The following ROCK2 variants were observed in gnomAD, a reference collection of about 807,000 sequenced individuals.
ROCK2 encodes rho-associated protein kinase 2.
A neutral mutation model predicts 195.1 loss-of-function variants in ROCK2; 61 were observed. That is an observed-to-expected ratio of 0.31 (90% confidence interval 0.25 to 0.39). ROCK2 has a LOEUF of 0.39. Among genes scored for constraint, ROCK2 ranks in the 10% least tolerant of loss-of-function variants. ROCK2 has a pLI of 1.00. For synonymous variants in ROCK2, 504 were observed against 545.5 expected, an observed-to-expected ratio of 0.92 and a Z score of 1.06; for missense variants, 1,109 against 1,637.4, an observed-to-expected ratio of 0.68 and a Z score of 5.57.
At chr2:11,281,053 A>G (rs1289874369) in intron 3 of ROCK2, among the ~76,000 whole-genome samples, 1 of 152,144 alleles carries the variant, frequency 6.6e-6, no homozygotes, top group African/African-American at 2.4e-5. Flanking sequence ...ATACGCCACA[A>G]CCAAGTGGGA....
Position 11,214,350 on chromosome 2 carries a change from G to C in ROCK2, c.2043+7C>G. ...TTTCTTATGCAAAAATATAAAACAT[G>C]TTTTACCTTTTCCAAATCAGTAAAT... On this transcript the variant is annotated splice_region_variant and intron_variant, in intron 17 of 32. Transcript: ENST00000315872. 1 of 1,473,824 alleles carries C rather than the reference G, an allele frequency of 6.8e-7. No individual in the cohort carries two copies. Among genetic ancestry groups the C allele is most frequent in the South Asian group, 1.2e-5 (1 of 83,788 alleles). The allele number at this position is 1,473,824 out of a possible 1,614,324, so 91.3% of individuals were successfully genotyped here. A position where few individuals can be genotyped will look rare whatever the true frequency, so the allele number is the denominator to read the frequency against.
In ROCK2 at chr2:11,338,821, T is replaced by A. The variant is rs563403286; in HGVS notation, c.141+5175A>T. On this transcript the variant is annotated intron_variant, in intron 1 of 32. Transcript: ENST00000315872. ...TAACACAGATAACTCTCAGAAACAA[T>A]GCTAAATTAAAGAAGCCAGACACAG... Among the ~76,000 whole-genome samples the A allele has an allele frequency of 1.8e-4, 27 of 151,556 alleles. No individual in the cohort carries two copies. The South Asian group carries it at 5.0e-3, about 28-fold the overall frequency.
intron 32 of ROCK2, among the ~76,000 whole-genome samples, chr2:11,186,731 C>T (rs1663214112): frequency 6.6e-6 from 1 of 152,146 alleles, no homozygotes; most frequent in African/African-American, 2.4e-5. Context: ...AACGCCAAGC[C>T]AACACAAAAT....
intron 1 of ROCK2, among the ~76,000 whole-genome samples, chr2:11,303,654 T>C (rs901993246): frequency 2.0e-5 from 3 of 152,156 alleles, no homozygotes; most frequent in Non-Finnish European, 4.4e-5. Context: ...ACAGCTGCCA[T>C]TTCAATCTTT....
At chr2:11,220,372 C>T (rs1045834001) in intron 9 of ROCK2, among the ~76,000 whole-genome samples, 2 of 151,984 alleles carry the variant, frequency 1.3e-5, no homozygotes, top group Non-Finnish European at 2.9e-5. Flanking sequence ...TGGTCTAGAA[C>T]TCCTGGGCTC....
chr2:11,220,905 G>C (rs971923985), intron 9 of ROCK2, among the ~76,000 whole-genome samples: 1 of 152,026 alleles, frequency 6.6e-6, no homozygotes, highest in Non-Finnish European at 1.5e-5. Flanking sequence ...CCTTCTTTAT[G>C]ACTATATAAT....
rs541438506 is a variant in ROCK2 at position 11,322,461 on chromosome 2, C to T, written c.141+21535G>A. ...TTGCTACTAATCATCATGACTGTTG[C>T]TGCCATTGTCGCATTCATGTCATGA... On this transcript the variant is annotated intron_variant, in intron 1 of 32. Transcript: ENST00000315872. 2.6e-4 allele frequency among the ~76,000 whole-genome samples: 40 copies of T among 151,696 alleles called. 1 individual carries two copies. In the South Asian group the frequency reaches 7.9e-3, roughly 30 times the overall value.
chr2:11,333,048 AG>A (rs916797287), intron 1 of ROCK2, among the ~76,000 whole-genome samples: 2 of 152,136 alleles, frequency 1.3e-5, no homozygotes, highest in Non-Finnish European at 2.9e-5. Flanking sequence ...AAGGGAATTT[AG>A]GGGGGGTGAT....
rs537697218 is a variant in ROCK2, at chr2:11,307,894, G to A, written c.142-20158C>T. On this transcript the variant is annotated intron_variant, in intron 1 of 32. Coordinates refer to ENST00000315872, the MANE Select transcript of ROCK2 (RefSeq NM_004850.5). Reference sequence around the variant, plus strand: ...GAAAAATGGGCTTGGGCGGCTCCTCGGTGGGTGGCGGTGGTGGCCGTAGCG... The same window carrying A: ...GAAAAATGGGCTTGGGCGGCTCCTCAGTGGGTGGCGGTGGTGGCCGTAGCG... The A allele has an allele frequency of 3.1e-5, 36 of 1,173,576 alleles. 1 individual carries two copies. Among genetic ancestry groups the A allele is most frequent in the South Asian group, 8.7e-5 (4 of 46,028 alleles). The allele number at this position is 1,173,576 out of a possible 1,614,324, so 72.7% of individuals were successfully genotyped here. A position where few individuals can be genotyped will look rare whatever the true frequency, so the allele number is the denominator to read the frequency against.
At chr2:11,296,059 G>A (rs910720577) in intron 1 of ROCK2, among the ~76,000 whole-genome samples, 2 of 74,326 alleles carry the variant, frequency 2.7e-5, no homozygotes, top group Non-Finnish European at 5.5e-5. Flanking sequence ...AGAAAACAAA[G>A]GGTCTCAAAG....
chr2:11,343,166 T>C (rs149839953), intron 1 of ROCK2, among the ~76,000 whole-genome samples: 3 of 151,526 alleles, frequency 2.0e-5, no homozygotes, highest in Non-Finnish European at 3.0e-5. Flanking sequence ...TTCCCATAAA[T>C]GCATCTACAC....
intron 1 of ROCK2, among the ~76,000 whole-genome samples, chr2:11,334,510 CAA>C (rs34182610): frequency 0.047 from 4,188 of 89,772 alleles, 108 homozygotes; most frequent in African/African-American, 0.15. Flanking sequence ...GACTCTGTCT[CAA>C]AAAAAAAAAA....
At chr2:11,249,041 G>A (rs1304093919) in intron 4 of ROCK2, among the ~76,000 whole-genome samples, 1 of 151,964 alleles carries the variant, frequency 6.6e-6, no homozygotes, top group Non-Finnish European at 1.5e-5. Flanking sequence ...GATTACAGGT[G>A]TGTGCCACTA....
chr2:11,184,795 T>C, intron 32 of ROCK2: 1 of 972,586 alleles, frequency 1.0e-6, no homozygotes, highest in African/African-American at 1.8e-5. Flanking sequence ...TGTAAATTTA[T>C]ACTCTAACAC....
chr2:11,315,207 T>C (rs971184772), intron 1 of ROCK2, among the ~76,000 whole-genome samples: 11 of 152,180 alleles, frequency 7.2e-5, no homozygotes, highest in African/African-American at 2.4e-4. Flanking sequence ...AAGTTAGAGA[T>C]GTACCCTTGT....
chr2:11,213,074 T>C (rs7598032), intron 17 of ROCK2, among the ~76,000 whole-genome samples: 73,665 of 152,052 alleles, frequency 0.48, 18,970 homozygotes, highest in Admixed American at 0.56. Flanking sequence ...TAATCAACTA[T>C]TAAGTGCTGC....
intron 1 of ROCK2, among the ~76,000 whole-genome samples, chr2:11,342,541 T>C (rs1669139328): frequency 6.6e-6 from 1 of 152,172 alleles, no homozygotes; most frequent in African/African-American, 2.4e-5. Context: ...GATGAATACT[T>C]GAGATTTGCT....
At chr2:11,234,812 G>A (rs1410189890) in intron 5 of ROCK2, 1 of 152,108 alleles carries the variant, frequency 6.6e-6, no homozygotes. Context: ...GAATGCTGAT[G>A]AAGGTAGAAT....
At chr2:11,336,992 C>T (rs1668949282) in intron 1 of ROCK2, among the ~76,000 whole-genome samples, 1 of 152,164 alleles carries the variant, frequency 6.6e-6, no homozygotes, top group South Asian at 2.1e-4. Context: ...CCTGTAATCC[C>T]AGCACTTTGG....
Sources: allele counts gnomAD v4.1 joint callset (sites outside exome capture counted in the v4.1 genomes callset), GRCh38; gene constraint gnomAD v4.1.1; transcripts MANE v1.5; gene names NCBI Gene and HGNC (gene_info 2026-07-23, HGNC 2026-07-21).